FAM163A: variants seen among roughly 807,000 people sequenced by gnomAD.
The protein encoded by FAM163A is family with sequence similarity 163 member A, also known as protein FAM163A.
A neutral mutation model predicts 12.0 loss-of-function variants in FAM163A; 7 were observed. The observed-to-expected ratio is 0.58, with a 90% CI of 0.33 to 1.10. The LOEUF (loss-of-function observed/expected upper bound fraction) is 1.10. Ranked by LOEUF, FAM163A falls within the 50% of genes least tolerant of loss-of-function variation. FAM163A has a pLI of 0.03. For missense variants in FAM163A, 202 were observed against 218.6 expected (o/e 0.92, Z 0.48); for synonymous variants, 101 against 91.0 (o/e 1.11, Z -0.62).
upstream of FAM163A, among the ~76,000 whole-genome samples, chr1:179,738,295 G>T (rs933747006): frequency 5.9e-5 from 9 of 152,172 alleles, no homozygotes; most frequent in African/African-American, 2.2e-4. Context: ...TGATGTATTT[G>T]CTAATTACCC....
At chr1:179,755,406 G>T (rs536225434) in intron 1 of FAM163A, among the ~76,000 whole-genome samples, 1 of 152,156 alleles carries the variant, frequency 6.6e-6, no homozygotes, top group African/African-American at 2.4e-5. Flanking sequence ...CTGGCATTAC[G>T]GAGATTTTTA....
At chr1:179,728,816 A>T in the FAM163A span, among the ~76,000 whole-genome samples, 6 of 152,206 alleles carry the variant, frequency 3.9e-5, no homozygotes. Flanking sequence ...AAAGATGACT[A>T]AATGGTTTTT....
intron 1 of FAM163A, among the ~76,000 whole-genome samples, chr1:179,806,244 T>C (rs949395152): frequency 6.6e-6 from 1 of 152,342 alleles, no homozygotes; most frequent in African/African-American, 2.4e-5. Flanking sequence ...TTTCACCTTC[T>C]GATTTCTATC....
chr1:179,752,664 A>T (rs1011412577), intron 1 of FAM163A, among the ~76,000 whole-genome samples: 12 of 152,346 alleles, frequency 7.9e-5, no homozygotes, highest in South Asian at 2.1e-4. Flanking sequence ...TTCAAAGAAG[A>T]TATACAAATG....
intron 1 of FAM163A, among the ~76,000 whole-genome samples, chr1:179,748,404 T>TA (rs879498702): frequency 2.2e-4 from 34 of 152,078 alleles, no homozygotes; most frequent in African/African-American, 7.5e-4. Flanking sequence ...TATTAGTTTT[T>TA]AAAAAAAATC....
At chr1:179,813,716 C>CA in intron 4 of FAM163A, 63 bp from the exon 5 acceptor site, 1 of 1,591,518 alleles carries the variant, frequency 6.3e-7, no homozygotes, top group East Asian at 2.3e-5. Flanking sequence ...TGTGCACGCT[C>CA]AAAAATGCAT....
chr1:179,802,130 A>G (rs1693266960), intron 1 of FAM163A, among the ~76,000 whole-genome samples: 1 of 152,346 alleles, frequency 6.6e-6, no homozygotes, highest in South Asian at 2.1e-4. Context: ...CAGTATCATG[A>G]TCATTGGTCT....
At chr1:179,781,291 CAG>C (rs1039477297) in intron 1 of FAM163A, among the ~76,000 whole-genome samples, 8 of 152,180 alleles carry the variant, frequency 5.3e-5, no homozygotes, top group African/African-American at 1.7e-4. Context: ...CAGATGGTGA[CAG>C]TGTGAATCTT....
chr1:179,748,056 G>C (rs1450687486), intron 1 of FAM163A, among the ~76,000 whole-genome samples: 1 of 152,104 alleles, frequency 6.6e-6, no homozygotes, highest in East Asian at 1.9e-4. Context: ...GAGCTTGTGA[G>C]GCCCTGTGTC....
At chr1:179,747,437 G>A (rs1684650244) in intron 1 of FAM163A, among the ~76,000 whole-genome samples, 1 of 152,180 alleles carries the variant, frequency 6.6e-6, no homozygotes, top group South Asian at 2.1e-4. Context: ...GTGGGTGATG[G>A]GACAGGCTGT....
chr1:179,737,055 A>G, the FAM163A span, among the ~76,000 whole-genome samples: 4 of 152,156 alleles, frequency 2.6e-5, no homozygotes, highest in Non-Finnish European at 5.9e-5. Flanking sequence ...AGATACCTGC[A>G]CTCCCATGTT....
chr1:179,806,307 C>T (rs1693927395), intron 1 of FAM163A, among the ~76,000 whole-genome samples: 1 of 152,238 alleles, frequency 6.6e-6, no homozygotes. Context: ...TACCCAGTCG[C>T]ATTAAACTCT....
the FAM163A span, among the ~76,000 whole-genome samples, chr1:179,737,958 A>G: frequency 6.6e-6 from 1 of 152,210 alleles, no homozygotes; most frequent in African/African-American, 2.4e-5. Flanking sequence ...TAGATTGAAT[A>G]CGTTAAATAG....
At chr1:179,771,287 A>G (rs982608841) in intron 1 of FAM163A, among the ~76,000 whole-genome samples, 1 of 152,000 alleles carries the variant, frequency 6.6e-6, no homozygotes, top group African/African-American at 2.4e-5. Flanking sequence ...CCAGCTCTGC[A>G]CCCACAGAGT....
intron 4 of FAM163A, 138 bp downstream of exon 4, chr1:179,813,328 A>T: frequency 1.2e-6 from 1 of 859,830 alleles, no homozygotes; most frequent in South Asian, 1.6e-5. Context: ...TAAGTCAAGG[A>T]GGATGGGAGT....
At chr1:179,771,332 T>C (rs1433823045) in intron 1 of FAM163A, among the ~76,000 whole-genome samples, 1 of 152,200 alleles carries the variant, frequency 6.6e-6, no homozygotes, top group Admixed American at 6.5e-5. Flanking sequence ...CGCCCACAGA[T>C]GGTCCAGGCC....
intron 1 of FAM163A, among the ~76,000 whole-genome samples, chr1:179,782,156 C>G (rs73039670): frequency 0.025 from 3,815 of 152,188 alleles, 175 homozygotes; most frequent in African/African-American, 0.087. Context: ...GTGGAGTGAG[C>G]ATGCCGGACA....
chr1:179,771,692 GT>G (rs1350218495), intron 1 of FAM163A, among the ~76,000 whole-genome samples: 1 of 152,034 alleles, frequency 6.6e-6, no homozygotes, highest in Non-Finnish European at 1.5e-5. Flanking sequence ...CCCAGAGACG[GT>G]TCACCGCCTC....
Position 179,765,677 on chromosome 1 carries a change from AT to A in FAM163A, c.-136+22276del, listed in dbSNP as rs749528573. Among the ~76,000 whole-genome samples the A allele has an allele frequency of 4.2e-3, 530 of 127,182 alleles. 1 individual carries two copies. The highest frequency in any genetic ancestry group is 0.023 in the East Asian group (98 of 4,212). 83.4% of individuals were successfully genotyped at this position (127,182 alleles called of 152,430 possible). On this transcript the variant is annotated intron_variant, in intron 1 of 4. Coordinates refer to ENST00000341785, the MANE Select transcript of FAM163A (RefSeq NM_173509.3). ...CTGGTTAAGGAATTGAGCTTTGGGAATTTTTTTTTTTTTTTTTTTTTTGCTG... is the reference window on the plus strand; with the variant it reads ...CTGGTTAAGGAATTGAGCTTTGGGAATTTTTTTTTTTTTTTTTTTTTGCTG...
Sources: allele counts gnomAD v4.1 joint callset (sites outside exome capture counted in the v4.1 genomes callset), GRCh38; gene constraint gnomAD v4.1.1; transcripts MANE v1.5; gene names NCBI Gene and HGNC (gene_info 2026-07-23, HGNC 2026-07-21).